DPYD: variants seen among roughly 807,000 people sequenced by gnomAD.
The protein encoded by DPYD is dihydropyrimidine dehydrogenase [NADP(+)].
DPYD carries 109 observed loss-of-function variants against 116.2 expected under a neutral mutation model. The ratio of observed to expected loss-of-function variants is 0.94; its 90% CI spans 0.80 to 1.10. The LOEUF (loss-of-function observed/expected upper bound fraction) is 1.10. Ranked by LOEUF, DPYD falls within the 50% of genes least tolerant of loss-of-function variation. The pLI is 0.00. For synonymous variants in DPYD, 440 were observed against 432.0 expected (o/e 1.02, Z -0.23); for missense variants, 1,302 against 1,254.5 (o/e 1.04, Z -0.57).
chr1:97,859,776 T>C (rs1671028339), intron 2 of DPYD, among the ~76,000 whole-genome samples: 1 of 152,162 alleles, frequency 6.6e-6, no homozygotes, highest in African/African-American at 2.4e-5. Context: ...ATAGTAAAAA[T>C]AAAAATAAAT....
intron 8 of DPYD, among the ~76,000 whole-genome samples, chr1:97,610,069 A>G (rs1655844571): frequency 6.6e-6 from 1 of 152,030 alleles, no homozygotes; most frequent in Non-Finnish European, 1.5e-5. Context: ...CATTTGGCCT[A>G]TGTTAAATCA....
intron 1 of DPYD, among the ~76,000 whole-genome samples, chr1:97,887,026 T>C (rs1315747350): frequency 6.6e-6 from 1 of 151,870 alleles, no homozygotes; most frequent in Non-Finnish European, 1.5e-5. Context: ...GGTGTGACAT[T>C]ACTACAGGCA....
intron 16 of DPYD, among the ~76,000 whole-genome samples, chr1:97,336,755 CA>C (rs1669304344): frequency 6.6e-6 from 1 of 151,974 alleles, no homozygotes; most frequent in Admixed American, 6.6e-5. Context: ...CATCTCAAAA[CA>C]AACAAACAAA....
At chr1:97,615,324 C>G (rs1656198660) in intron 8 of DPYD, among the ~76,000 whole-genome samples, 1 of 152,160 alleles carries the variant, frequency 6.6e-6, no homozygotes, top group Middle Eastern at 3.4e-3. Context: ...ATCATTGATT[C>G]AAAATATATT....
chr1:97,919,803 T>A (rs1674412261), intron 1 of DPYD, among the ~76,000 whole-genome samples: 1 of 152,174 alleles, frequency 6.6e-6, no homozygotes. Context: ...TTGGCTCTTG[T>A]TACTAAAATG....
chr1:97,573,033 T>C (rs945065175), intron 11 of DPYD, among the ~76,000 whole-genome samples: 13 of 151,974 alleles, frequency 8.6e-5, no homozygotes, highest in East Asian at 5.8e-4. Flanking sequence ...AAAGAGTTAA[T>C]TGTCATTTCA....
chr1:97,150,684 T>C (rs759062509), intron 20 of DPYD, among the ~76,000 whole-genome samples: 30 of 152,326 alleles, frequency 2.0e-4, no homozygotes, highest in Non-Finnish European at 4.0e-4. Flanking sequence ...ATCATCTGCT[T>C]TCATGACTTC....
intron 8 of DPYD, among the ~76,000 whole-genome samples, chr1:97,652,258 CAT>C (rs1017581963): frequency 3.3e-5 from 5 of 152,132 alleles, no homozygotes; most frequent in Non-Finnish European, 5.9e-5. Flanking sequence ...AAAAAATTCT[CAT>C]GTTATTCATC....
chr1:97,240,733 A>G (rs1662280213), intron 18 of DPYD, among the ~76,000 whole-genome samples: 1 of 152,014 alleles, frequency 6.6e-6, no homozygotes, highest in Non-Finnish European at 1.5e-5. Flanking sequence ...AAATTAGTAA[A>G]TCAAGAATTT....
chr1:97,759,979 G>A (rs1665482297), intron 3 of DPYD, among the ~76,000 whole-genome samples: 1 of 152,138 alleles, frequency 6.6e-6, no homozygotes. Flanking sequence ...AAAGGAATGG[G>A]AAGAAACAAG....
At chr1:97,467,180 G>A (rs189729438) in intron 13 of DPYD, among the ~76,000 whole-genome samples, 5 of 152,136 alleles carry the variant, frequency 3.3e-5, no homozygotes, top group Admixed American at 1.3e-4. Flanking sequence ...TACCTCCACC[G>A]AATGGATCTG....
chr1:97,805,126 G>A (rs1668020162), intron 3 of DPYD, among the ~76,000 whole-genome samples: 1 of 151,864 alleles, frequency 6.6e-6, no homozygotes. Context: ...GGGAATGTAG[G>A]AGACCAACTA....
At chr1:97,590,225 T>A (rs1253052514) in intron 10 of DPYD, among the ~76,000 whole-genome samples, 1 of 152,160 alleles carries the variant, frequency 6.6e-6, no homozygotes, top group African/African-American at 2.4e-5. Context: ...AGAGAATCAA[T>A]CCTGAAAACT....
At chr1:97,864,735 A>G (rs570322706) in intron 2 of DPYD, among the ~76,000 whole-genome samples, 6 of 151,988 alleles carry the variant, frequency 3.9e-5, no homozygotes, top group South Asian at 4.1e-4. Context: ...AAGTTCTGGT[A>G]AGGAAACACA....
intron 3 of DPYD, among the ~76,000 whole-genome samples, chr1:97,766,175 A>T (rs1665844939): frequency 1.3e-5 from 2 of 152,108 alleles, no homozygotes; most frequent in African/African-American, 4.8e-5. Flanking sequence ...CAGGAGATGG[A>T]GGTTATGGTG....
chr1:97,168,234 G>A (rs888550614), intron 20 of DPYD, among the ~76,000 whole-genome samples: 2 of 152,166 alleles, frequency 1.3e-5, no homozygotes, highest in South Asian at 2.1e-4. Context: ...TCCACAATGT[G>A]TAACAGGCTA....
intron 18 of DPYD, among the ~76,000 whole-genome samples, chr1:97,298,348 G>A (rs1426290710): frequency 2.6e-5 from 4 of 152,116 alleles, no homozygotes; most frequent in African/African-American, 7.2e-5. Context: ...GTCACAACAA[G>A]CCTTCCAGTT....
In DPYD at chr1:97,477,765, C is replaced by T. The variant is rs182412776; in HGVS notation, c.1741-27542G>A. On this transcript the variant is annotated intron_variant, in intron 13 of 22. Coordinates refer to ENST00000370192, the MANE Select transcript of DPYD (RefSeq NM_000110.4). Reference sequence around the variant, plus strand: ...CCTCCCGAGTAGCTGGGACTACAGGCGCCCGCCACCGCGCCCGGCTAATTT... The same window carrying T: ...CCTCCCGAGTAGCTGGGACTACAGGTGCCCGCCACCGCGCCCGGCTAATTT... Among the ~76,000 whole-genome samples, 1,321 of 151,676 alleles carry T rather than the reference C, an allele frequency of 8.7e-3. 15 individuals are homozygous for T. Among genetic ancestry groups the T allele is most frequent in the African/African-American group, 0.029 (1,198 of 41,348 alleles).
chr1:97,844,614 T>C (rs138606726), intron 2 of DPYD, among the ~76,000 whole-genome samples: 2 of 152,298 alleles, frequency 1.3e-5, no homozygotes, highest in African/African-American at 4.8e-5. Context: ...AGACACCAGC[T>C]GCAGCTGGGG....
Sources: gnomAD v4.1 joint callset for allele counts (sites outside exome capture counted in the v4.1 genomes callset) on GRCh38, gnomAD v4.1.1 for gene constraint, MANE v1.5 for transcripts, NCBI Gene and HGNC (gene_info 2026-07-23, HGNC 2026-07-21) for gene names.